The following FOXN4 variants were observed in gnomAD, a reference collection of about 807,000 sequenced individuals.
The protein encoded by FOXN4 is forkhead box N4.
FOXN4 carries 12 observed loss-of-function variants against 45.0 expected under a neutral mutation model. That is an observed-to-expected ratio of 0.27 (90% confidence interval 0.17 to 0.43). The LOEUF is 0.43. Among genes scored for constraint, FOXN4 ranks in the 20% least tolerant of loss-of-function variants. The probability of loss-of-function intolerance (pLI) is 1.00; values close to 1 mark genes in which losing one functional copy is unlikely to be tolerated. For synonymous variants in FOXN4, 297 were observed against 295.0 expected (o/e 1.01, Z -0.07); for missense variants, 560 against 694.9 (o/e 0.81, Z 2.18).
chr12:109,306,973 T>C (rs2047926930), intron 2 of FOXN4, among the ~76,000 whole-genome samples: 1 of 152,222 alleles, frequency 6.6e-6, no homozygotes, highest in Non-Finnish European at 1.5e-5. Context: ...TCCTCACCTA[T>C]ACAACAGGGC....
rs546008121 is a variant in FOXN4, at chr12:109,301,762, T to C, written c.86+6474A>G. On this transcript the variant is annotated intron_variant, in intron 2 of 9. Coordinates refer to ENST00000299162, the MANE Select transcript of FOXN4 (RefSeq NM_213596.3). The stretch of plus-strand genomic sequence containing the variant: ...TGTTTCCAGTCTTTCTGCCATAGGA[T>C]GGCAAGGACCAGGAGGCCCTCTATT... Among the ~76,000 whole-genome samples the C allele has an allele frequency of 9.2e-5, 14 of 152,320 alleles. No individual in the cohort carries two copies. In the South Asian group the frequency reaches 2.9e-3, roughly 32 times the overall value.
chr12:109,284,866 C>CTGTG (rs2136916700), intron 8 of FOXN4, among the ~76,000 whole-genome samples: 1 of 144,810 alleles, frequency 6.9e-6, no homozygotes, highest in South Asian at 2.2e-4. Context: ...CCTTCCTCTT[C>CTGTG]TGCGTGTGTG....
chr12:109,288,381 TCA>T lies in FOXN4; in HGVS notation c.233-203_233-202del, dbSNP rs1226660706. On this transcript the variant is annotated intron_variant, in intron 3 of 9. Transcript: ENST00000299162. The surrounding 1 kb of genome is among the most constrained non-coding windows in gnomAD (Gnocchi z 4.3). ...CCAGCTGTATAACCTTAGGTCAGCC[TCA>T]GTTTTCCCATTTGTACTTGATCTAC... Among the ~76,000 whole-genome samples, 1 of 152,186 alleles carries T rather than the reference TCA, an allele frequency of 6.6e-6. No individual in the cohort carries two copies. Among genetic ancestry groups the T allele is most frequent in the Non-Finnish European group, 1.5e-5 (1 of 68,026 alleles).
chr12:109,280,021 G>T, intron 9 of FOXN4, 91 bp from the exon 10 acceptor site: 1 of 1,532,542 alleles, frequency 6.5e-7, no homozygotes, highest in Non-Finnish European at 8.9e-7. Context: ...CAGAGACCAT[G>T]TGTGGTGTCT....
rs942639941 is a variant in FOXN4, at chr12:109,278,374, A to G, written c.*1297T>C. 20 of 152,222 alleles carry G rather than the reference A, an allele frequency of 1.3e-4. No homozygotes were observed. The highest frequency in any genetic ancestry group is 4.8e-4 in the African/African-American group (20 of 41,454). The allele number at this position is 152,222 out of a possible 1,614,324, so 9.4% of individuals were successfully genotyped here. A position where few individuals can be genotyped will look rare whatever the true frequency, so the allele number is the denominator to read the frequency against. On this transcript the variant is annotated 3_prime_UTR_variant, in exon 10 of 10. Transcript: ENST00000299162. ...GCTGCAGCTTCTCCAATTTTGTCTC[A>G]GCTTTGCTGGGAGAGCATTTTTCAC...
rs778183505 is a variant in FOXN4, at chr12:109,281,538, G to A, written c.1163C>T (p.Pro388Leu). 22 of 1,613,026 alleles carry A rather than the reference G, an allele frequency of 1.4e-5. No homozygotes were observed. The highest frequency in any genetic ancestry group is 6.7e-5 in the Admixed American group (4 of 59,840). The change falls in exon 9 of 10, where the codon CCG (proline) becomes CTG (leucine). Residue 388 changes from proline (P) to leucine (L), a missense_variant. This residue lies in a region of FOXN4 where 315 missense variants were observed against 350.5 expected (regional missense o/e 0.90). Coordinates refer to ENST00000299162, the MANE Select transcript of FOXN4 (RefSeq NM_213596.3). ...GGGGAGCGGGCTGGGGCTGAGGTCC[G>A]GCAGGGCGTGCAGTGGCGGGGTCTG... is the stretch of plus-strand genomic sequence containing the variant. ...PAQTPPLHAL[P>L]DLSPSPLPHP...
At chr12:109,297,184 C>T (rs963523819) in intron 2 of FOXN4, among the ~76,000 whole-genome samples, 1 of 152,198 alleles carries the variant, frequency 6.6e-6, no homozygotes, top group Non-Finnish European at 1.5e-5. Flanking sequence ...TGGCCTGTTA[C>T]GAACCGGGCT....
chr12:109,291,192 C>G lies in FOXN4; in HGVS notation c.87-906G>C, dbSNP rs1284461906. Among the ~76,000 whole-genome samples the G allele has an allele frequency of 6.6e-6, 1 of 152,072 alleles. No homozygotes were observed. The highest frequency in any genetic ancestry group is 1.5e-5 in the Non-Finnish European group (1 of 68,016). ...GTAGGATAGCTGCCCATGGAGGTGC[C>G]AGACAGGTCGGTGATTTGGGATAGC... On this transcript the variant is annotated intron_variant, in intron 2 of 9. Coordinates refer to ENST00000299162, the MANE Select transcript of FOXN4 (RefSeq NM_213596.3). This position sits in a 1 kb window ranked among gnomAD's most constrained non-coding sequence, Gnocchi z 6.6.
In FOXN4 at chr12:109,280,044, G is replaced by A; in HGVS notation, c.1295-114C>T. On this transcript the variant is annotated intron_variant, in intron 9 of 9. Transcript: ENST00000299162. ...ATGTGTGGTGTCTAAGTCATGTGTT[G>A]TAGAAAAAGGGCATGGGGCCGGGCC... 2.8e-6 allele frequency: 4 copies of A among 1,449,344 alleles called. No individual in the cohort carries two copies. The Middle Eastern group carries it at 7.1e-4, about 259-fold the overall frequency. The allele number at this position is 1,449,344 out of a possible 1,614,324, so 89.8% of individuals were successfully genotyped here.
chr12:109,295,433 C>T (rs1345449209), intron 2 of FOXN4, among the ~76,000 whole-genome samples: 2 of 152,200 alleles, frequency 1.3e-5, no homozygotes, highest in Non-Finnish European at 2.9e-5. Context: ...TCCCATGTCA[C>T]TGATGCCTGC....
At chr12:109,284,433 G>GTGTGTGCATGCATA (rs1292470837) in intron 8 of FOXN4, among the ~76,000 whole-genome samples, 3 of 145,588 alleles carry the variant, frequency 2.1e-5, no homozygotes, top group African/African-American at 8.0e-5. Flanking sequence ...CGCGTGGTGT[G>GTGTGTGCATGCATA]TGTGTGCATG....
intron 9 of FOXN4, among the ~76,000 whole-genome samples, chr12:109,280,951 A>C (rs1194722104): frequency 2.6e-5 from 4 of 152,128 alleles, no homozygotes; most frequent in Non-Finnish European, 4.4e-5. Context: ...CCGAGGTTTA[A>C]CTCCGGACTC....
intron 8 of FOXN4, among the ~76,000 whole-genome samples, chr12:109,282,260 A>C (rs1274172107): frequency 6.6e-6 from 1 of 152,142 alleles, no homozygotes; most frequent in Non-Finnish European, 1.5e-5. Context: ...TAGCCTGAAC[A>C]ACATAGTGAG....
At chr12:109,293,729 C>A (rs777992082) in intron 2 of FOXN4, among the ~76,000 whole-genome samples, 3 of 152,182 alleles carry the variant, frequency 2.0e-5, no homozygotes, top group Non-Finnish European at 2.9e-5. Flanking sequence ...AACTTCTGAC[C>A]TTGTGATCCG....
chr12:109,285,008 C>T (rs1014992501), intron 8 of FOXN4, among the ~76,000 whole-genome samples: 2 of 129,322 alleles, frequency 1.5e-5, no homozygotes, highest in Non-Finnish European at 3.2e-5. Context: ...TGCGTGTGTG[C>T]GTGCATTTGT....
rs934047461 is a variant in FOXN4 at position 109,309,135 on chromosome 12, C to A, written c.-20G>T. 1 of 152,186 alleles carries A rather than the reference C, an allele frequency of 6.6e-6. No individual in the cohort carries two copies. Among genetic ancestry groups the A allele is most frequent in the African/African-American group, 2.4e-5 (1 of 41,442 alleles). 9.4% of individuals were successfully genotyped at this position (152,186 alleles called of 1,614,324 possible). A position where few individuals can be genotyped will look rare whatever the true frequency, so the allele number is the denominator to read the frequency against. On this transcript the variant is annotated 5_prime_UTR_variant, in exon 1 of 10. Coordinates refer to ENST00000299162, the MANE Select transcript of FOXN4 (RefSeq NM_213596.3). The surrounding 1 kb of genome is among the most constrained non-coding windows in gnomAD (Gnocchi z 5.0). The stretch of plus-strand genomic sequence containing the variant: ...AGGCGGTACCTGGAGCCGATCCTCG[C>A]GGGGCCGCCGCTGCCGGCGCTCCGG...
chr12:109,303,774 T>A (rs1230777317), intron 2 of FOXN4, among the ~76,000 whole-genome samples: 1 of 152,196 alleles, frequency 6.6e-6, no homozygotes, highest in Admixed American at 6.5e-5. Flanking sequence ...GAATAAATTC[T>A]AAAAGGTAGG....
intron 2 of FOXN4, among the ~76,000 whole-genome samples, chr12:109,294,136 G>A (rs888697645): frequency 1.3e-5 from 2 of 152,106 alleles, no homozygotes; most frequent in Admixed American, 6.5e-5. Context: ...TACGCGAACC[G>A]GCATCTCCCA....
chr12:109,284,747 CTG>C (rs146889929), intron 8 of FOXN4, among the ~76,000 whole-genome samples: 4 of 151,244 alleles, frequency 2.6e-5, no homozygotes, highest in South Asian at 2.1e-4. Context: ...CCTTCCTCTT[CTG>C]TGTGTGTGTG....
Sources: gnomAD v4.1 joint callset for allele counts (sites outside exome capture counted in the v4.1 genomes callset) on GRCh38, gnomAD v4.1.1 for gene constraint, gnomAD v4.1.1 regional missense constraint, Gnocchi (gnomAD v3.1) non-coding constraint, MANE v1.5 for transcripts, NCBI Gene and HGNC (gene_info 2026-07-23, HGNC 2026-07-21) for gene names.